The following APP variants were observed in gnomAD, a reference collection of about 807,000 sequenced individuals.
APP encodes amyloid-beta precursor protein.
Under a neutral mutation model 101.4 loss-of-function variants are expected in APP, and 31 were observed. The observed-to-expected ratio is 0.31, with a 90% CI of 0.23 to 0.41. APP has a LOEUF of 0.41. APP is among the 10% of genes least tolerant of loss of function. The probability of loss-of-function intolerance (pLI) is 1.00; values close to 1 mark genes in which losing one functional copy is unlikely to be tolerated. For synonymous variants in APP, 366 were observed against 364.4 expected (o/e 1.00, Z -0.05); for missense variants, 839 against 1,003.7 (o/e 0.84, Z 2.22).
At chr21:25,957,443 T>A (rs1216572035) in intron 11 of APP, among the ~76,000 whole-genome samples, 1 of 152,230 alleles carries the variant, frequency 6.6e-6, no homozygotes, top group Non-Finnish European at 1.5e-5. Context: ...CAGAGTTGTG[T>A]GATCAGGATC....
chr21:25,939,010 T>C (rs1417875649), intron 13 of APP, among the ~76,000 whole-genome samples: 1 of 152,204 alleles, frequency 6.6e-6, no homozygotes, highest in South Asian at 2.1e-4. Context: ...CATCTGATTT[T>C]TGCACCCCAG....
In APP at chr21:26,053,320, G is replaced by C. The variant is rs148699407; in HGVS notation, c.384C>G (p.Leu128=). 2 of 1,613,524 alleles carry C rather than the reference G, an allele frequency of 1.2e-6. No homozygotes were observed. Among genetic ancestry groups the C allele is most frequent in the Non-Finnish European group, 1.7e-6 (2 of 1,179,514 alleles). Reference sequence around the variant, plus strand: ...GTAAGAATTTGCACTTGTCAGGAACGAGAAGGGCATCACTTACAAACTCAC... The same window carrying C: ...GTAAGAATTTGCACTTGTCAGGAACCAGAAGGGCATCACTTACAAACTCAC... ...LVGEFVSDAL[L]VPDKCKFLHQ... is the part of the protein sequence containing the mutation. Residue 128 remains leucine, a synonymous_variant, in exon 4 of 18, where the codon CTC becomes CTG. Coordinates refer to ENST00000346798, the MANE Select transcript of APP (RefSeq NM_000484.4).
chr21:26,136,191 A>AAGGAAAGGAAAGGAAGGAG (rs1369945640), intron 1 of APP, among the ~76,000 whole-genome samples: 3 of 77,392 alleles, frequency 3.9e-5, no homozygotes, highest in Admixed American at 2.8e-4. Flanking sequence ...GAAAGAAAGA[A>AAGGAAAGGAAAGGAAGGAG]AGAAAGAAAG....
intron 5 of APP, among the ~76,000 whole-genome samples, chr21:26,045,536 T>C (rs566653813): frequency 6.6e-6 from 1 of 152,368 alleles, no homozygotes; most frequent in East Asian, 1.9e-4. Context: ...TTAAAATTGC[T>C]AATAGTTATT....
At chr21:25,990,363 C>T (rs1461491229) in intron 8 of APP, among the ~76,000 whole-genome samples, 2 of 152,108 alleles carry the variant, frequency 1.3e-5, no homozygotes, top group South Asian at 2.1e-4. Context: ...TTTTTATTAA[C>T]ATCTATTCTC....
At position 26,058,648 on chromosome 21, in the gene APP, TC is replaced by T. The variant is rs140576799; in HGVS notation, c.356-5301del. On this transcript the variant is annotated intron_variant, in intron 3 of 17. Transcript: ENST00000346798. ...AAGGGAAAGATGTATCAAAACTGAC[TC>T]TGCTGCCAGGATGGCGGCACCTGGG... Among the ~76,000 whole-genome samples, 10 of 152,276 alleles carry T rather than the reference TC, an allele frequency of 6.6e-5. No individual in the cohort carries two copies. In the East Asian group the frequency reaches 1.9e-3, roughly 29 times the overall value.
At chr21:26,156,728 C>A (rs2063382376) in intron 1 of APP, among the ~76,000 whole-genome samples, 1 of 151,912 alleles carries the variant, frequency 6.6e-6, no homozygotes, top group African/African-American at 2.4e-5. Context: ...TTTTTAGAAC[C>A]AAGTTTCTCA....
chr21:26,063,617 A>G (rs1205047107), intron 3 of APP, among the ~76,000 whole-genome samples: 1 of 152,242 alleles, frequency 6.6e-6, no homozygotes, highest in African/African-American at 2.4e-5. Context: ...AGCAATAAAA[A>G]TTATGAAGTA....
chr21:25,978,602 ATT>A (rs2042310153), intron 9 of APP, among the ~76,000 whole-genome samples: 1 of 152,164 alleles, frequency 6.6e-6, no homozygotes, highest in Non-Finnish European at 1.5e-5. Flanking sequence ...AGCTAAGTTT[ATT>A]TATATTTAGT....
chr21:25,947,800 C>T lies in APP; in HGVS notation c.1687+6790G>A, dbSNP rs373270235. Among the ~76,000 whole-genome samples the T allele has an allele frequency of 9.5e-4, 145 of 151,992 alleles. 1 individual carries two copies. In the South Asian group the frequency reaches 0.011, roughly 12 times the overall value. The stretch of plus-strand genomic sequence containing the variant: ...GGCAGACCACCTGAGATCAGGAGTT[C>T]GAGACCAGCTTGGCCAACATGGTGA... On this transcript the variant is annotated intron_variant, in intron 13 of 17. Coordinates refer to ENST00000346798, the MANE Select transcript of APP (RefSeq NM_000484.4).
intron 6 of APP, among the ~76,000 whole-genome samples, chr21:26,006,007 C>T (rs1030292330): frequency 1.3e-5 from 2 of 152,170 alleles, no homozygotes; most frequent in African/African-American, 4.8e-5. Flanking sequence ...AACTCTTCAT[C>T]TGCCTTCTTT....
In APP at chr21:26,159,146, G is replaced by A. The variant is rs1038835296; in HGVS notation, c.57+11418C>T. On this transcript the variant is annotated intron_variant, in intron 1 of 17. Transcript: ENST00000346798. Reference sequence around the variant, plus strand: ...TGCCTAGGCTGGAGTGCAGTGGCACGATGGCTCACTGCAAGCTCTGCCTCC... The same window carrying A: ...TGCCTAGGCTGGAGTGCAGTGGCACAATGGCTCACTGCAAGCTCTGCCTCC... Among the ~76,000 whole-genome samples the A allele has an allele frequency of 4.6e-5, 7 of 151,810 alleles. No individual in the cohort carries two copies. In the East Asian group the frequency reaches 7.7e-4, roughly 17 times the overall value.
intron 5 of APP, among the ~76,000 whole-genome samples, chr21:26,036,805 C>T (rs1434454993): frequency 1.3e-5 from 2 of 152,070 alleles, no homozygotes; most frequent in Non-Finnish European, 2.9e-5. Context: ...AATAGAGCTA[C>T]CATACGATCC....
intron 1 of APP, among the ~76,000 whole-genome samples, chr21:26,152,047 C>T (rs915355154): frequency 6.6e-5 from 10 of 151,888 alleles, no homozygotes; most frequent in Non-Finnish European, 1.3e-4. Flanking sequence ...GAGGCCGAGG[C>T]GGGGGGATCA....
intron 6 of APP, among the ~76,000 whole-genome samples, chr21:26,019,206 C>A (rs1196845604): frequency 6.6e-6 from 1 of 152,226 alleles, no homozygotes; most frequent in East Asian, 1.9e-4. Context: ...TAATTAATCA[C>A]CTGCAGTTAA....
intron 3 of APP, among the ~76,000 whole-genome samples, chr21:26,074,039 C>CA (rs2061456365): frequency 6.6e-6 from 1 of 152,028 alleles, no homozygotes; most frequent in African/African-American, 2.4e-5. Flanking sequence ...GATAAAGATA[C>CA]CATCCAATAA....
intron 2 of APP, among the ~76,000 whole-genome samples, chr21:26,093,832 C>T (rs1356889079): frequency 6.6e-6 from 1 of 151,926 alleles, no homozygotes; most frequent in Non-Finnish European, 1.5e-5. Context: ...AAATTTGAAC[C>T]AGGCCGGAGA....
At chr21:26,170,977 C>T, upstream of APP, 2 of 201,524 alleles carry the variant, frequency 9.9e-6, no homozygotes, top group East Asian at 1.2e-4. Context: ...CCCCGGCCGA[C>T]GGCCCACCTG....
intron 10 of APP, 82 bp from the exon 11 acceptor site, chr21:25,975,310 CT>C (rs1383250827): frequency 5.0e-5 from 78 of 1,571,630 alleles, no homozygotes; most frequent in Middle Eastern, 1.7e-4. Context: ...AAAAGACATC[CT>C]ATTCCATTTT....
Sources: gnomAD v4.1 joint callset for allele counts (sites outside exome capture counted in the v4.1 genomes callset) on GRCh38, gnomAD v4.1.1 for gene constraint, MANE v1.5 for transcripts, NCBI Gene and HGNC (gene_info 2026-07-23, HGNC 2026-07-21) for gene names.